DPP6: variants seen among roughly 807,000 people sequenced by gnomAD.
DPP6 encodes A-type potassium channel modulatory protein DPP6.
In DPP6, 69 loss-of-function variants were observed where a neutral mutation model predicts 122.6. The ratio of observed to expected loss-of-function variants is 0.56; its 90% CI spans 0.46 to 0.69. The LOEUF is 0.69. Ranked by LOEUF, DPP6 falls within the 30% of genes least tolerant of loss-of-function variation. The probability of loss-of-function intolerance (pLI) is 0.00; values close to 1 mark genes in which losing one functional copy is unlikely to be tolerated. For missense variants in DPP6, 928 were observed against 1,116.9 expected (o/e 0.83, Z 2.41); for synonymous variants, 418 against 433.1 (o/e 0.97, Z 0.43).
intron 1 of DPP6, among the ~76,000 whole-genome samples, chr7:154,259,940 C>A (rs1802889044): frequency 6.6e-6 from 1 of 152,148 alleles, no homozygotes; most frequent in African/African-American, 2.4e-5. Context: ...CAAAAAGCAG[C>A]CAGGGCTGCG....
At chr7:154,391,966 T>G (rs148599531) in intron 1 of DPP6, among the ~76,000 whole-genome samples, 5 of 152,244 alleles carry the variant, frequency 3.3e-5, no homozygotes, top group African/African-American at 1.2e-4. Context: ...GCACTGGAGA[T>G]TCCATGTCAG....
At chr7:154,039,369 C>G (rs1482629933) in intron 1 of DPP6, among the ~76,000 whole-genome samples, 1 of 136,602 alleles carries the variant, frequency 7.3e-6, no homozygotes, top group African/African-American at 3.1e-5. Context: ...CAGAAAATTC[C>G]TGTTCTCCAA....
the DPP6 span, among the ~76,000 whole-genome samples, chr7:153,871,584 G>T: frequency 1.3e-5 from 2 of 152,284 alleles, no homozygotes; most frequent in East Asian, 3.9e-4. Flanking sequence ...GGAGTTCCCT[G>T]ACCCCTTGCA....
intron 5 of DPP6, among the ~76,000 whole-genome samples, chr7:154,598,570 C>T (rs973223379): frequency 6.6e-6 from 1 of 152,214 alleles, no homozygotes; most frequent in Non-Finnish European, 1.5e-5. Flanking sequence ...GATGACAGCA[C>T]GTCTGTTAGA....
chr7:154,298,613 A>G (rs932520971), intron 1 of DPP6, among the ~76,000 whole-genome samples: 2 of 152,256 alleles, frequency 1.3e-5, no homozygotes, highest in East Asian at 3.9e-4. Flanking sequence ...CCAAAGAAAA[A>G]ATCATTGCAT....
At chr7:154,023,361 CT>C (rs1263228682) in intron 1 of DPP6, among the ~76,000 whole-genome samples, 3 of 151,192 alleles carry the variant, frequency 2.0e-5, no homozygotes, top group African/African-American at 7.3e-5. Flanking sequence ...CACACACACA[CT>C]TCTTAAGTCT....
chr7:153,867,526 C>A, the DPP6 span, among the ~76,000 whole-genome samples: 1 of 152,210 alleles, frequency 6.6e-6, no homozygotes, highest in Admixed American at 6.5e-5. Context: ...GCTGAAGTTG[C>A]TTATCAGCTT....
the DPP6 span, among the ~76,000 whole-genome samples, chr7:153,848,222 G>T: frequency 2.0e-5 from 3 of 151,946 alleles, no homozygotes; most frequent in African/African-American, 7.3e-5. Flanking sequence ...ACACTTGTGG[G>T]TAATTAACAT....
At chr7:154,237,438 G>A (rs946867334) in intron 1 of DPP6, among the ~76,000 whole-genome samples, 1 of 152,194 alleles carries the variant, frequency 6.6e-6, no homozygotes, top group Non-Finnish European at 1.5e-5. Context: ...CCCAGTGTTA[G>A]GTTTACAGTG....
chr7:154,085,252 C>T (rs1223502696), intron 1 of DPP6, among the ~76,000 whole-genome samples: 1 of 152,154 alleles, frequency 6.6e-6, no homozygotes, highest in Non-Finnish European at 1.5e-5. Flanking sequence ...ATCCAATTCT[C>T]AACTTCTTTT....
intron 6 of DPP6, among the ~76,000 whole-genome samples, chr7:154,639,107 GCTCT>G (rs1481891322): frequency 3.3e-5 from 5 of 152,170 alleles, no homozygotes; most frequent in Non-Finnish European, 7.3e-5. Flanking sequence ...TATAGCTGCT[GCTCT>G]CTGTTTTCTA....
intron 1 of DPP6, among the ~76,000 whole-genome samples, chr7:154,242,321 G>C (rs145589385): frequency 6.6e-6 from 1 of 152,294 alleles, no homozygotes; most frequent in Non-Finnish European, 1.5e-5. Flanking sequence ...GCAGAGATCA[G>C]ATCAACTGAC....
the DPP6 span, among the ~76,000 whole-genome samples, chr7:153,748,408 C>CT: frequency 8.6e-6 from 1 of 116,810 alleles, no homozygotes; most frequent in African/African-American, 3.3e-5. Context: ...CCAGCCTGAG[C>CT]TTTTGAGGGT....
chr7:153,797,942 C>G, the DPP6 span, among the ~76,000 whole-genome samples: 1 of 152,076 alleles, frequency 6.6e-6, no homozygotes, highest in Non-Finnish European at 1.5e-5. Context: ...TCTGGGTTCA[C>G]GCCATTCTCC....
intron 1 of DPP6, among the ~76,000 whole-genome samples, chr7:154,138,076 A>G (rs767838058): frequency 2.0e-5 from 3 of 152,232 alleles, no homozygotes; most frequent in East Asian, 1.9e-4. Context: ...TCTGCTCCCA[A>G]TCTGCTTCCT....
At chr7:154,418,553 C>G (rs1817214201) in intron 1 of DPP6, among the ~76,000 whole-genome samples, 1 of 152,092 alleles carries the variant, frequency 6.6e-6, no homozygotes, top group Admixed American at 6.5e-5. Flanking sequence ...CAGGGGACGG[C>G]TGGAATAGCT....
chr7:154,210,596 G>T (rs1431970821), intron 1 of DPP6, among the ~76,000 whole-genome samples: 4 of 152,128 alleles, frequency 2.6e-5, no homozygotes, highest in Admixed American at 6.5e-5. Flanking sequence ...TCAGTGTGTT[G>T]TCTGGCAAAT....
intron 5 of DPP6, among the ~76,000 whole-genome samples, chr7:154,582,442 G>T (rs1217175411): frequency 6.6e-6 from 1 of 152,164 alleles, no homozygotes; most frequent in Non-Finnish European, 1.5e-5. Flanking sequence ...CTCCTCCTTG[G>T]ACAGTGGAAC....
At chr7:153,908,076 T>C (rs937199946) in intron 1 of DPP6, among the ~76,000 whole-genome samples, 1 of 134,486 alleles carries the variant, frequency 7.4e-6, no homozygotes, top group African/African-American at 2.8e-5. Flanking sequence ...ACAACAAGAA[T>C]TGATACATTG....
Sources: gnomAD v4.1 joint callset for allele counts (sites outside exome capture counted in the v4.1 genomes callset) on GRCh38, gnomAD v4.1.1 for gene constraint, MANE v1.5 for transcripts, NCBI Gene and HGNC (gene_info 2026-07-23, HGNC 2026-07-21) for gene names.